TIAM2: variants seen among roughly 807,000 people sequenced by gnomAD.
TIAM2 encodes the protein rho guanine nucleotide exchange factor TIAM2.
Under a neutral mutation model 152.9 loss-of-function variants are expected in TIAM2, and 80 were observed. The ratio of observed to expected loss-of-function variants is 0.52; its 90% CI spans 0.44 to 0.63. The LOEUF (loss-of-function observed/expected upper bound fraction) is 0.63. Among genes scored for constraint, TIAM2 ranks in the 30% least tolerant of loss-of-function variants. TIAM2 has a pLI of 0.00. For missense variants in TIAM2, 1,965 were observed against 2,120.1 expected, an observed-to-expected ratio of 0.93 and a Z score of 1.44; for synonymous variants, 804 against 838.0, an observed-to-expected ratio of 0.96 and a Z score of 0.70.
chr6:155,225,559 C>T (rs1003738210), intron 15 of TIAM2, among the ~76,000 whole-genome samples: 1 of 152,180 alleles, frequency 6.6e-6, no homozygotes, highest in South Asian at 2.1e-4. Context: ...CCTGAGTGTC[C>T]TGGTTCTGCT....
chr6:155,047,768 G>A (rs957323757), intron 1 of TIAM2, among the ~76,000 whole-genome samples: 3 of 149,528 alleles, frequency 2.0e-5, no homozygotes, highest in African/African-American at 7.4e-5. Flanking sequence ...AGACTTGAGT[G>A]AGGACCCCCA....
At chr6:155,240,797 C>T (rs1782994474) in intron 16 of TIAM2, 88 bp downstream of exon 16, 2 of 1,366,008 alleles carry the variant, frequency 1.5e-6, no homozygotes, top group Middle Eastern at 2.2e-4. Flanking sequence ...CACCTCTGCC[C>T]AGGACACCTG....
At chr6:155,070,209 C>CCT (rs1777807397) in intron 1 of TIAM2, among the ~76,000 whole-genome samples, 1 of 44,126 alleles carries the variant, frequency 2.3e-5, no homozygotes, top group African/African-American at 1.2e-4. Context: ...CCTGGCCAGA[C>CCT]TTTTTTTTTT....
rs201514936 is a variant in TIAM2, at chr6:155,129,320, C to T, written c.97C>T (p.Arg33Cys). 68 of 1,614,162 alleles carry T rather than the reference C, an allele frequency of 4.2e-5. No individual in the cohort carries two copies. Among genetic ancestry groups the T allele is most frequent in the Non-Finnish European group, 4.1e-5 (48 of 1,180,040 alleles). ...AKQIPCSLKIRGIHAKEEKSL... is the reference protein window; with the variant it reads ...AKQIPCSLKICGIHAKEEKSL... ...GCAAATTCCTTGCTCCCTGAAAATA[C>T]GTGGCATTCATGCAAAAGAGGAAAA... Residue 33 changes from arginine (R) to cysteine (C), a missense_variant, in exon 4 of 27, where the codon CGT becomes TGT. By Grantham distance (180) the Arg-to-Cys change is radical (BLOSUM62 -3). Transcript: ENST00000682666. This position sits in a 1 kb window ranked among gnomAD's most constrained non-coding sequence, Gnocchi z 4.8.
intron 15 of TIAM2, chr6:155,233,038 C>T (rs1325543207): frequency 6.6e-6 from 1 of 152,116 alleles, no homozygotes; most frequent in Non-Finnish European, 1.5e-5. Flanking sequence ...ACCCAGAATC[C>T]CTAAATGAGG....
At chr6:155,205,834 G>GAA (rs1177113641) in intron 14 of TIAM2, among the ~76,000 whole-genome samples, 1 of 152,156 alleles carries the variant, frequency 6.6e-6, no homozygotes, top group East Asian at 1.9e-4. Flanking sequence ...TGGGCAACAG[G>GAA]AAAAAGAAAT....
intron 9 of TIAM2, among the ~76,000 whole-genome samples, chr6:155,167,326 A>G (rs112398391): frequency 9.9e-5 from 15 of 152,100 alleles, no homozygotes; most frequent in African/African-American, 3.4e-4. Context: ...GGTTCAAGCA[A>G]TTCTCGTGCC....
chr6:155,130,112 T>C lies in TIAM2; in HGVS notation c.889T>C (p.Ser297Pro), dbSNP rs773283089. The change falls in exon 4 of 27, where the codon TCC becomes CCC. Residue 297 changes from serine to proline, a missense_variant. Transcript: ENST00000682666. ...KKPFNQSSSL[S>P]SLRELYKDAN... The stretch of plus-strand genomic sequence containing the variant: ...GCCTTTCAACCAAAGCTCTTCCCTC[T>C]CCTCCCTCCGGGAACTGTACAAAGA... 2 of 1,613,900 alleles carry C rather than the reference T, an allele frequency of 1.2e-6. No homozygotes were observed. The highest frequency in any genetic ancestry group is 1.7e-6 in the Non-Finnish European group (2 of 1,180,024).
At chr6:155,114,034 ATATTTTTTTTTTTTTCT>A (rs1347634506) in intron 2 of TIAM2, among the ~76,000 whole-genome samples, 9 of 37,768 alleles carry the variant, frequency 2.4e-4, no homozygotes, top group Non-Finnish European at 4.3e-4. Context: ...ATATATATAT[ATATTTTTTTTTTTTTCT>A]TTTTTTTTTT....
Position 155,029,584 on chromosome 6 carries a change from C to CCA in TIAM2, c.-209+34092_-209+34093insCA, listed in dbSNP as rs1562295349. 4.7e-4 allele frequency among the ~76,000 whole-genome samples: 34 copies of CCA among 72,270 alleles called. 2 individuals carry two copies. In the South Asian group the frequency reaches 0.011, roughly 24 times the overall value. 47.4% of individuals were successfully genotyped at this position (72,270 alleles called of 152,430 possible). On this transcript the variant is annotated intron_variant, in intron 1 of 26. Transcript: ENST00000682666. ...ATATACTATATAATAGTATATATAA[C>CCA]TATATAGTATATATAGTTATATAAC...
chr6:155,028,456 TATA>T lies in TIAM2; in HGVS notation c.-209+32968_-209+32970del, dbSNP rs1409716241. Among the ~76,000 whole-genome samples the T allele has an allele frequency of 5.9e-5, 8 of 135,846 alleles. No homozygotes were observed. The East Asian group carries it at 8.5e-4, about 14-fold the overall frequency. 89.1% of individuals were successfully genotyped at this position (135,846 alleles called of 152,430 possible). A position where few individuals can be genotyped will look rare whatever the true frequency, so the allele number is the denominator to read the frequency against. On this transcript the variant is annotated intron_variant, in intron 1 of 26. Transcript: ENST00000682666. ...TATATACTGTGTTACATATACTACA[TATA>T]ATATATATACTGTGTTACATATACT...
At chr6:155,064,979 T>TAG (rs34382270) in intron 1 of TIAM2, among the ~76,000 whole-genome samples, 61,103 of 151,688 alleles carry the variant, frequency 0.4, 12,486 homozygotes, top group Middle Eastern at 0.48. Flanking sequence ...ATTGTTGAGA[T>TAG]AGTCTTGCTT....
chr6:155,179,419 C>A lies in TIAM2; in HGVS notation c.2670C>A (p.Asp890Glu). Residue 890 changes from aspartate (D) to glutamate (E), a missense_variant, in exon 12 of 27, where the codon GAC becomes GAA. By Grantham distance (45) the Asp-to-Glu change is conservative. Transcript: ENST00000682666. ...EIEVFPLNVY[D>E]VQLTKTGSVC... Reference sequence around the variant, plus strand: ...AAGTCTTTCCACTAAATGTTTATGACGTGCAGCTCACGAAGACTGGGAGTG... The same window carrying A: ...AAGTCTTTCCACTAAATGTTTATGAAGTGCAGCTCACGAAGACTGGGAGTG... The A allele has an allele frequency of 6.2e-7, 1 of 1,613,574 alleles. No homozygotes were observed. Among genetic ancestry groups the A allele is most frequent in the Non-Finnish European group, 8.5e-7 (1 of 1,179,878 alleles).
At chr6:155,224,166 T>A (rs996633512) in intron 15 of TIAM2, among the ~76,000 whole-genome samples, 1 of 152,192 alleles carries the variant, frequency 6.6e-6, no homozygotes, top group Non-Finnish European at 1.5e-5. Context: ...TGAAAGAAGA[T>A]GTGTTTGAGT....
chr6:155,008,249 T>C (rs1043360176), intron 1 of TIAM2, among the ~76,000 whole-genome samples: 2 of 152,232 alleles, frequency 1.3e-5, no homozygotes, highest in African/African-American at 4.8e-5. Flanking sequence ...TAATTTCTCA[T>C]TTGGCATTCT....
intron 1 of TIAM2, among the ~76,000 whole-genome samples, chr6:155,052,903 C>T (rs1161342839): frequency 1.3e-5 from 2 of 151,978 alleles, no homozygotes; most frequent in Non-Finnish European, 2.9e-5. Flanking sequence ...ACATAAGTTC[C>T]ATAAATGCTA....
chr6:155,115,763 A>G (rs1219118581), intron 2 of TIAM2, among the ~76,000 whole-genome samples: 5 of 151,822 alleles, frequency 3.3e-5, no homozygotes, highest in Non-Finnish European at 7.3e-5. Context: ...TCTGTAAAAC[A>G]GGGATGATTA....
chr6:155,032,104 G>A (rs1263646408), intron 1 of TIAM2, among the ~76,000 whole-genome samples: 1 of 114,302 alleles, frequency 8.7e-6, no homozygotes, highest in Non-Finnish European at 1.9e-5. Context: ...AGGTGGGAGA[G>A]GTCATGCTAC....
intron 2 of TIAM2, among the ~76,000 whole-genome samples, chr6:155,119,556 C>T (rs939856756): frequency 3.9e-5 from 6 of 152,128 alleles, no homozygotes; most frequent in African/African-American, 1.4e-4. Flanking sequence ...CCAGGCTGGT[C>T]TCAAACTCCT....
Sources: allele counts gnomAD v4.1 joint callset (sites outside exome capture counted in the v4.1 genomes callset), GRCh38; gene constraint gnomAD v4.1.1; non-coding constraint Gnocchi (gnomAD v3.1); transcripts MANE v1.5; gene names NCBI Gene and HGNC (gene_info 2026-07-23, HGNC 2026-07-21).